CSGALNACT1: variants seen among roughly 807,000 people sequenced by gnomAD.
The protein encoded by CSGALNACT1 is chondroitin sulfate N-acetylgalactosaminyltransferase 1, also known as beta4GalNAcT-1.
Under a neutral mutation model 51.0 loss-of-function variants are expected in CSGALNACT1, and 52 were observed. The ratio of observed to expected loss-of-function variants is 1.02; its 90% CI spans 0.82 to 1.29. The LOEUF is 1.29. CSGALNACT1 is among the 50% of genes most tolerant of loss of function. CSGALNACT1 has a pLI of 0.00. For synonymous variants in CSGALNACT1, 341 were observed against 254.4 expected (o/e 1.34, Z -3.24); for missense variants, 935 against 679.2 (o/e 1.38, Z -4.19).
At chr8:19,655,199 G>C (rs2058154007) in intron 1 of CSGALNACT1, among the ~76,000 whole-genome samples, 1 of 152,122 alleles carries the variant, frequency 6.6e-6, no homozygotes, top group Admixed American at 6.5e-5. Flanking sequence ...CGTGATGATA[G>C]GATGAAAGTT....
At chr8:19,641,702 A>G (rs1006566680) in intron 1 of CSGALNACT1, 3 of 152,228 alleles carry the variant, frequency 2.0e-5, no homozygotes, top group Admixed American at 1.3e-4. Context: ...ACTGCCTTAA[A>G]TGCATTTACA....
At chr8:19,559,666 C>T (rs140989698) in intron 3 of CSGALNACT1, among the ~76,000 whole-genome samples, 2 of 151,792 alleles carry the variant, frequency 1.3e-5, no homozygotes, top group Non-Finnish European at 2.9e-5. Flanking sequence ...AAAAGCAAAC[C>T]GAAAATGAAA....
chr8:19,604,859 G>A (rs749352186), upstream of CSGALNACT1, among the ~76,000 whole-genome samples: 1 of 147,972 alleles, frequency 6.8e-6, no homozygotes, highest in East Asian at 2.0e-4. Context: ...AGCTTGCAGT[G>A]AGCCAAGATC....
rs149652591 is a variant in CSGALNACT1, at chr8:19,470,336, C to A, written c.635-11694G>T. Among the ~76,000 whole-genome samples, 36 of 152,222 alleles carry A rather than the reference C, an allele frequency of 2.4e-4. No individual in the cohort carries two copies. In the East Asian group the frequency reaches 6.6e-3, roughly 28 times the overall value. Reference sequence around the variant, plus strand: ...TAGAATAATGGGTTTATGAGGAGTGCTGGAGGCTGGGATGGGACAGTGAGC... The same window carrying A: ...TAGAATAATGGGTTTATGAGGAGTGATGGAGGCTGGGATGGGACAGTGAGC... On this transcript the variant is annotated intron_variant, in intron 4 of 9. Coordinates refer to ENST00000454498, the Ensembl canonical transcript of CSGALNACT1.
intron 1 of CSGALNACT1, among the ~76,000 whole-genome samples, chr8:19,755,112 G>T (rs77684979): frequency 6.6e-6 from 1 of 152,208 alleles, no homozygotes. Flanking sequence ...ATGGAGGAAA[G>T]AGGAAAGATG....
At chr8:19,525,490 G>T (rs2081485095) in intron 3 of CSGALNACT1, among the ~76,000 whole-genome samples, 1 of 151,574 alleles carries the variant, frequency 6.6e-6, no homozygotes, top group Non-Finnish European at 1.5e-5. Flanking sequence ...GGTGGTGCAT[G>T]TCTATAGTCC....
chr8:19,681,738 C>T (rs192629760), intron 1 of CSGALNACT1, among the ~76,000 whole-genome samples: 1 of 152,200 alleles, frequency 6.6e-6, no homozygotes, highest in Non-Finnish European at 1.5e-5. Flanking sequence ...ATCTCTGTCC[C>T]CTGCCCTGGG....
At chr8:19,666,039 G>T (rs2059151030) in intron 1 of CSGALNACT1, among the ~76,000 whole-genome samples, 1 of 152,102 alleles carries the variant, frequency 6.6e-6, no homozygotes, top group Non-Finnish European at 1.5e-5. Flanking sequence ...CCAGATTTGG[G>T]TTATTTTTAA....
chr8:19,483,391 C>G (rs1322390569), intron 4 of CSGALNACT1, among the ~76,000 whole-genome samples: 2 of 152,222 alleles, frequency 1.3e-5, no homozygotes, highest in Non-Finnish European at 2.9e-5. Context: ...TCAACATGCC[C>G]TGACCCCAAA....
intron 1 of CSGALNACT1, among the ~76,000 whole-genome samples, chr8:19,620,833 G>T (rs1478014113): frequency 6.6e-6 from 1 of 152,124 alleles, no homozygotes; most frequent in Non-Finnish European, 1.5e-5. Context: ...TGTAGCCACG[G>T]ACTGAAAGTT....
At chr8:19,725,038 C>G (rs1330576568) in intron 1 of CSGALNACT1, among the ~76,000 whole-genome samples, 2 of 152,230 alleles carry the variant, frequency 1.3e-5, no homozygotes, top group Non-Finnish European at 1.5e-5. Flanking sequence ...TCCAACCTTG[C>G]TCCTGCCCAT....
intron 4 of CSGALNACT1, among the ~76,000 whole-genome samples, chr8:19,495,432 G>C (rs1187165935): frequency 6.6e-6 from 1 of 152,134 alleles, no homozygotes; most frequent in African/African-American, 2.4e-5. Context: ...CTGCAGTATG[G>C]CATTTATAGG....
chr8:19,575,775 T>G (rs2044063510), intron 3 of CSGALNACT1, among the ~76,000 whole-genome samples: 1 of 152,084 alleles, frequency 6.6e-6, no homozygotes, highest in Non-Finnish European at 1.5e-5. Context: ...AATATTCCCC[T>G]GATTTTTTTC....
intron 4 of CSGALNACT1, among the ~76,000 whole-genome samples, chr8:19,464,589 C>T (rs907470170): frequency 3.3e-5 from 5 of 152,082 alleles, no homozygotes; most frequent in African/African-American, 1.2e-4. Flanking sequence ...CAGAACTGTG[C>T]TGCCGAGAAG....
At chr8:19,694,502 G>A (rs906613130) in intron 1 of CSGALNACT1, among the ~76,000 whole-genome samples, 16 of 152,160 alleles carry the variant, frequency 1.1e-4, no homozygotes, top group Non-Finnish European at 2.1e-4. Context: ...AATGAAGATC[G>A]CAGTGTTGCT....
chr8:19,433,309 C>A (rs1004603181), intron 6 of CSGALNACT1, among the ~76,000 whole-genome samples: 2 of 152,208 alleles, frequency 1.3e-5, no homozygotes, highest in Non-Finnish European at 2.9e-5. Flanking sequence ...CTTGCTTCCA[C>A]AGAGCCTGAA....
intron 1 of CSGALNACT1, among the ~76,000 whole-genome samples, chr8:19,610,690 C>T (rs771472369): frequency 2.6e-4 from 39 of 152,158 alleles, no homozygotes; most frequent in Non-Finnish European, 4.0e-4. Context: ...GAAAGCCCTC[C>T]CACTCTACCC....
chr8:19,467,686 T>A (rs901330353), intron 4 of CSGALNACT1, among the ~76,000 whole-genome samples: 4 of 152,112 alleles, frequency 2.6e-5, no homozygotes, highest in Admixed American at 2.6e-4. Context: ...GTATTCTATA[T>A]CAGAGATATA....
At chr8:19,453,979 A>T (rs930814995) in intron 5 of CSGALNACT1, among the ~76,000 whole-genome samples, 1 of 152,174 alleles carries the variant, frequency 6.6e-6, no homozygotes, top group Non-Finnish European at 1.5e-5. Context: ...ACATATCCTG[A>T]TTAAGTGAAT....
Sources: gnomAD v4.1 joint callset for allele counts (sites outside exome capture counted in the v4.1 genomes callset) on GRCh38, gnomAD v4.1.1 for gene constraint, MANE v1.5 for transcripts, NCBI Gene and HGNC (gene_info 2026-07-23, HGNC 2026-07-21) for gene names.